The following KANSL1 variants were observed in gnomAD, a reference collection of about 807,000 sequenced individuals.
KANSL1 encodes KAT8 regulatory NSL complex subunit 1.
In KANSL1, 22 loss-of-function variants were observed where a neutral mutation model predicts 103.6. The observed-to-expected ratio is 0.21, with a 90% CI of 0.15 to 0.30. The LOEUF (loss-of-function observed/expected upper bound fraction) is 0.30, where lower values mean the gene tolerates loss of function less well. KANSL1 is among the 10% of genes least tolerant of loss of function. KANSL1 has a pLI of 1.00. For synonymous variants in KANSL1, 600 were observed against 527.6 expected, an observed-to-expected ratio of 1.14 and a Z score of -1.88; for missense variants, 1,337 against 1,399.8, an observed-to-expected ratio of 0.96 and a Z score of 0.72.
chr17:46,161,327 T>C (rs1311999946), intron 2 of KANSL1, among the ~76,000 whole-genome samples: 2 of 151,280 alleles, frequency 1.3e-5, no homozygotes, highest in Non-Finnish European at 2.9e-5. Context: ...TCCCAGCTAC[T>C]TGGGAGGCTG....
chr17:46,151,670 T>C (rs1404545704), intron 2 of KANSL1, among the ~76,000 whole-genome samples: 1 of 152,258 alleles, frequency 6.6e-6, no homozygotes, highest in Non-Finnish European at 1.5e-5. Context: ...TTGATACATA[T>C]TAATTTTTAA....
chr17:46,166,239 C>G lies in KANSL1; in HGVS notation c.1289+4616G>C, dbSNP rs1018959525. Among the ~76,000 whole-genome samples, 5 of 143,556 alleles carry G rather than the reference C, an allele frequency of 3.5e-5. No individual in the cohort carries two copies. In the South Asian group the frequency reaches 1.1e-3, roughly 31 times the overall value. The allele number at this position is 143,556 out of a possible 152,430, so 94.2% of individuals were successfully genotyped here. A position where few individuals can be genotyped will look rare whatever the true frequency, so the allele number is the denominator to read the frequency against. On this transcript the variant is annotated intron_variant, in intron 2 of 14. Coordinates refer to ENST00000432791, the MANE Select transcript of KANSL1 (RefSeq NM_015443.4). Reference sequence around the variant, plus strand: ...AAAAAAAAAAAAAAAGGGCTGGGCACAGTGACTTACACCTGTAATCCCAGC... The same window carrying G: ...AAAAAAAAAAAAAAAGGGCTGGGCAGAGTGACTTACACCTGTAATCCCAGC...
rs1323979083 is a variant in KANSL1, at chr17:46,062,438, A to G, written c.1848+4099T>C. ...CTGTGGCGAGATCTCAGCTCACTGCAACCTCTGACTTCTTGGTTCAAGCGA... is the reference window on the plus strand; with the variant it reads ...CTGTGGCGAGATCTCAGCTCACTGCGACCTCTGACTTCTTGGTTCAAGCGA... On this transcript the variant is annotated intron_variant, in intron 6 of 14. Transcript: ENST00000432791. 4.2e-5 allele frequency among the ~76,000 whole-genome samples: 6 copies of G among 143,536 alleles called. No homozygotes were observed. The East Asian group carries it at 1.3e-3, about 31-fold the overall frequency. The allele number at this position is 143,536 out of a possible 152,430, so 94.2% of individuals were successfully genotyped here. A position where few individuals can be genotyped will look rare whatever the true frequency, so the allele number is the denominator to read the frequency against.
chr17:46,170,957 T>A lies in KANSL1; in HGVS notation c.1187A>T (p.Gln396Leu), dbSNP rs149302199. ...SGIANLRCSE[Q>L]AFDSDVTDSS... The stretch of plus-strand genomic sequence containing the variant: ...GTCAGTGACATCTGAATCAAATGCC[T>A]GTTCACTGCACCTCAAGTTGGCTAT... Residue 396 changes from glutamine to leucine, a missense_variant, in exon 2 of 15, where the codon CAG (glutamine) becomes CTG (leucine). Gln to Leu is a moderately radical substitution (Grantham distance 113). Coordinates refer to ENST00000432791, the MANE Select transcript of KANSL1 (RefSeq NM_015443.4). 33 of 1,614,198 alleles carry A rather than the reference T, an allele frequency of 2.0e-5. No individual in the cohort carries two copies. In the African/African-American group the frequency reaches 4.4e-4, roughly 22 times the overall value.
intron 1 of KANSL1, among the ~76,000 whole-genome samples, chr17:46,184,908 T>C (rs1245095590): frequency 1.3e-5 from 2 of 150,802 alleles, no homozygotes; most frequent in Non-Finnish European, 2.9e-5. Flanking sequence ...GGCACAATAT[T>C]GGCTCACTGC....
At chr17:46,198,516 G>C (rs1355434398), upstream of KANSL1, among the ~76,000 whole-genome samples, 3 of 150,762 alleles carry the variant, frequency 2.0e-5, no homozygotes, top group East Asian at 5.9e-4. Context: ...TGGATCACCT[G>C]AGGCCTGGAG....
rs2042197594 is a variant in KANSL1, at chr17:46,099,045, C to T, written c.1290-4344G>A. On this transcript the variant is annotated intron_variant, in intron 2 of 14. Coordinates refer to ENST00000432791, the MANE Select transcript of KANSL1 (RefSeq NM_015443.4). ...TTGTTCCTTAACAAATACAAGCGGC[C>T]GGGCGCGGTGGCTCACGCTTGTAAT... 3.5e-5 allele frequency among the ~76,000 whole-genome samples: 4 copies of T among 112,730 alleles called. 1 individual carries two copies. Among genetic ancestry groups the T allele is most frequent in the Admixed American group, 2.9e-4 (3 of 10,404 alleles). 74.0% of individuals were successfully genotyped at this position (112,730 alleles called of 152,430 possible). A position where few individuals can be genotyped will look rare whatever the true frequency, so the allele number is the denominator to read the frequency against.
Position 46,105,933 on chromosome 17 carries a change from ACACACACACACACACCC to A in KANSL1, c.1290-11249_1290-11233del, listed in dbSNP as rs1567680677. On this transcript the variant is annotated intron_variant, in intron 2 of 14. Transcript: ENST00000432791. ...CACACACACACACACACACACACAC[ACACACACACACACACCC>A]CCCCAGAAGGGTGAAGGAGCAGAAA... Among the ~76,000 whole-genome samples the A allele has an allele frequency of 9.8e-3, 995 of 101,608 alleles. 11 individuals are homozygous for A. Among genetic ancestry groups the A allele is most frequent in the Non-Finnish European group, 0.013 (602 of 44,926 alleles). The allele number at this position is 101,608 out of a possible 152,430, so 66.7% of individuals were successfully genotyped here.
intron 1 of KANSL1, among the ~76,000 whole-genome samples, chr17:46,184,722 G>A (rs954219523): frequency 6.6e-6 from 1 of 152,172 alleles, no homozygotes; most frequent in Non-Finnish European, 1.5e-5. Context: ...CCCAGGTTGA[G>A]GTGGGGTCCC....
At chr17:46,196,972 G>T (rs912496514), upstream of KANSL1, among the ~76,000 whole-genome samples, 1 of 152,062 alleles carries the variant, frequency 6.6e-6, no homozygotes, top group Admixed American at 6.6e-5. Flanking sequence ...AAATTTAGCC[G>T]GGGGTGGTGG....
intron 2 of KANSL1, among the ~76,000 whole-genome samples, chr17:46,166,442 C>G (rs541593785): frequency 7.9e-4 from 119 of 151,530 alleles, no homozygotes; most frequent in Non-Finnish European, 2.6e-4. Flanking sequence ...AACCCGGGAG[C>G]CAGAGGTTGC....
chr17:46,039,788 T>C lies in KANSL1; in HGVS notation c.2117A>G (p.Lys706Arg). 1 of 1,614,258 alleles carries C rather than the reference T, an allele frequency of 6.2e-7. No homozygotes were observed. Residue 706 changes from lysine (K) to arginine (R), a missense_variant, in exon 8 of 15, where the codon AAG becomes AGG. Physicochemically the swap from Lys to Arg is conservative, Grantham distance 26. Coordinates refer to ENST00000432791, the MANE Select transcript of KANSL1 (RefSeq NM_015443.4). ...KIKPPKKLSL[K>R]HRAPMPGSLP... The stretch of plus-strand genomic sequence containing the variant: ...ACTGCCCGGCATGGGTGCTCTGTGC[T>C]TAAGCGATAACTTTTTGGGAGGTTT...
intron 6 of KANSL1, 23 bp from the exon 7 acceptor site, chr17:46,050,727 C>T (rs767646593): frequency 1.9e-6 from 3 of 1,598,196 alleles, no homozygotes; most frequent in Non-Finnish European, 2.6e-6. Flanking sequence ...CCAAACAAAA[C>T]TGACAATTCA....
chr17:46,046,205 C>T (rs930343768), intron 7 of KANSL1: 1 of 152,200 alleles, frequency 6.6e-6, no homozygotes, highest in African/African-American at 2.4e-5. Flanking sequence ...CTTACCAAGC[C>T]TGTTCCTTGA....
At chr17:46,098,598 G>A (rs923115760) in intron 2 of KANSL1, among the ~76,000 whole-genome samples, 7 of 152,096 alleles carry the variant, frequency 4.6e-5, no homozygotes, top group Admixed American at 3.9e-4. Context: ...AATACAAAGC[G>A]AGCCTCCTGA....
At chr17:46,152,672 T>C (rs940874452) in intron 2 of KANSL1, among the ~76,000 whole-genome samples, 1 of 152,218 alleles carries the variant, frequency 6.6e-6, no homozygotes, top group Admixed American at 6.5e-5. Flanking sequence ...GGTAAATTGT[T>C]TTCTTTTTGA....
At chr17:46,070,229 A>C (rs1287563137) in intron 4 of KANSL1, among the ~76,000 whole-genome samples, 3 of 152,228 alleles carry the variant, frequency 2.0e-5, no homozygotes, top group African/African-American at 7.2e-5. Context: ...AACTATAGTT[A>C]TCAGTTGTGG....
rs17662889 is a variant in KANSL1 at position 46,171,730 on chromosome 17, A to C, written c.414T>G (p.Leu138=). The C allele has an allele frequency of 0.15, 233,195 of 1,538,972 alleles. 3 individuals carry two copies. Among genetic ancestry groups the C allele is most frequent in the Non-Finnish European group, 0.18 (201,037 of 1,131,794 alleles). ...TCTGACCACTCGTATTCATGGTTCT[A>C]AGATTTTCTAAGGAAAACTCCAAAA... ...QPVLEFSLEN[L]RTMNTSGQTA... Residue 138 remains leucine (L), a synonymous_variant, in exon 2 of 15, where the codon CTT becomes CTG. Coordinates refer to ENST00000432791, the MANE Select transcript of KANSL1 (RefSeq NM_015443.4).
At chr17:46,049,185 G>A (rs189654639) in intron 7 of KANSL1, among the ~76,000 whole-genome samples, 2 of 150,352 alleles carry the variant, frequency 1.3e-5, no homozygotes, top group East Asian at 3.9e-4. Context: ...TCTCCTTCAG[G>A]TGCTGAGAAC....
Sources: allele counts gnomAD v4.1 joint callset (sites outside exome capture counted in the v4.1 genomes callset), GRCh38; gene constraint gnomAD v4.1.1; transcripts MANE v1.5; gene names NCBI Gene and HGNC (gene_info 2026-07-23, HGNC 2026-07-21).